The following SLC6A19 variants were observed in gnomAD, a reference collection of about 807,000 sequenced individuals.
SLC6A19 encodes solute carrier family 6 member 19, also known as sodium-dependent neutral amino acid transporter B(0)AT1.
SLC6A19 carries 67 observed loss-of-function variants against 68.3 expected under a neutral mutation model. The ratio of observed to expected loss-of-function variants is 0.98; its 90% CI spans 0.81 to 1.20. The LOEUF is 1.20. Among genes scored for constraint, SLC6A19 ranks in the 50% most tolerant of loss-of-function variants. The pLI, the probability that SLC6A19 is intolerant of heterozygous loss-of-function variation, is 0.00. For missense variants in SLC6A19, 813 were observed against 851.6 expected, an observed-to-expected ratio of 0.95 and a Z score of 0.56; for synonymous variants, 392 against 374.9, an observed-to-expected ratio of 1.05 and a Z score of -0.53.
Position 1,216,830 on chromosome 5 carries a change from G to T in SLC6A19, c.1058G>T (p.Gly353Val). ...ATCAACGGGTTCGACCTGCCTGAAGGCAACGTGACCCAGGAGAACTTTGTG... is the reference window on the plus strand; with the variant it reads ...ATCAACGGGTTCGACCTGCCTGAAGTCAACGTGACCCAGGAGAACTTTGTG... ...TLINGFDLPE[G>V]NVTQENFVDM... The change falls in exon 8 of 12, where the codon GGC becomes GTC. Residue 353 changes from glycine (G) to valine (V), a missense_variant. Coordinates refer to ENST00000304460, the MANE Select transcript of SLC6A19 (RefSeq NM_001003841.3). 1.2e-6 allele frequency: 2 copies of T among 1,613,796 alleles called. No homozygotes were observed. The highest frequency in any genetic ancestry group is 2.2e-5 in the East Asian group (1 of 44,890).
intron 1 of SLC6A19, among the ~76,000 whole-genome samples, chr5:1,207,204 G>A (rs1745880216): frequency 6.6e-6 from 1 of 152,220 alleles, no homozygotes; most frequent in African/African-American, 2.4e-5. Flanking sequence ...TGTCCACGCT[G>A]CCCTGGCCGG....
chr5:1,218,280 G>C (rs1253296101), intron 8 of SLC6A19, among the ~76,000 whole-genome samples: 1 of 152,244 alleles, frequency 6.6e-6, no homozygotes, highest in Non-Finnish European at 1.5e-5. Flanking sequence ...CCCTGAGCCA[G>C]TTCCCTGCAG....
intron 1 of SLC6A19, among the ~76,000 whole-genome samples, chr5:1,207,041 T>C (rs913105372): frequency 6.6e-6 from 1 of 152,204 alleles, no homozygotes; most frequent in Non-Finnish European, 1.5e-5. Context: ...CGGGAGCTGC[T>C]TCCGCGTCCC....
intron 8 of SLC6A19, among the ~76,000 whole-genome samples, chr5:1,217,973 C>T (rs976272930): frequency 4.6e-5 from 7 of 152,146 alleles, no homozygotes; most frequent in East Asian, 1.9e-4. Flanking sequence ...AGTGCCATTC[C>T]GAGAAGCACC....
intron 1 of SLC6A19, 27 bp downstream of exon 1, chr5:1,201,879 C>T (rs183481608): frequency 2.0e-4 from 326 of 1,600,088 alleles, no homozygotes; most frequent in African/African-American, 4.8e-4. Context: ...GGGCTGCGGG[C>T]GAGGCCGTGG....
In SLC6A19 at chr5:1,222,544, T is replaced by C; in HGVS notation, c.*640T>C. On this transcript the variant is annotated 3_prime_UTR_variant, in exon 12 of 12. Coordinates refer to ENST00000304460, the MANE Select transcript of SLC6A19 (RefSeq NM_001003841.3). Reference sequence around the variant, plus strand: ...GAGCATGTGTACGTGTGTGTATACGTGTGTTGTGTATATGTGTGTGTCTGT... The same window carrying C: ...GAGCATGTGTACGTGTGTGTATACGCGTGTTGTGTATATGTGTGTGTCTGT... 1 of 391,164 alleles carries C rather than the reference T, an allele frequency of 2.6e-6. No individual in the cohort carries two copies. The highest frequency in any genetic ancestry group is 3.6e-5 in the East Asian group (1 of 27,744). The allele number at this position is 391,164 out of a possible 1,614,324, so 24.2% of individuals were successfully genotyped here.
rs755318490 is a variant in SLC6A19, at chr5:1,219,617, C to T, written c.1491C>T (p.Ile497=). ...CCGGCTCCATTCCCCTGCTCATCATCGCCTTCTGCGAGATGTTCTCTGTGG... is the reference window on the plus strand; with the variant it reads ...CCGGCTCCATTCCCCTGCTCATCATTGCCTTCTGCGAGATGTTCTCTGTGG... ...SYAGSIPLLI[I]AFCEMFSVVY... is the part of the protein sequence containing the mutation. Residue 497 remains isoleucine, a synonymous_variant, in exon 10 of 12, where the codon ATC becomes ATT. Coordinates refer to ENST00000304460, the MANE Select transcript of SLC6A19 (RefSeq NM_001003841.3). 8 of 1,609,762 alleles carry T rather than the reference C, an allele frequency of 5.0e-6. No individual in the cohort carries two copies. Among genetic ancestry groups the T allele is most frequent in the Admixed American group, 3.3e-5 (2 of 60,010 alleles).
Position 1,211,283 on chromosome 5 carries a change from C to T in SLC6A19, c.481+702C>T, listed in dbSNP as rs538306230. 2.5e-4 allele frequency among the ~76,000 whole-genome samples: 38 copies of T among 152,364 alleles called. 1 individual carries two copies. The South Asian group carries it at 7.5e-3, about 30-fold the overall frequency. On this transcript the variant is annotated intron_variant, in intron 3 of 11. Transcript: ENST00000304460. ...CTGGGACTGTCGGGGCCCTTTCCTG[C>T]CTCCGGGGCTGTGGGGTCCTCTGGA...
chr5:1,220,638 C>T (rs1746350443), intron 10 of SLC6A19, among the ~76,000 whole-genome samples: 5 of 152,122 alleles, frequency 3.3e-5, no homozygotes, highest in Admixed American at 3.3e-4. Flanking sequence ...CCATGGGTAC[C>T]CACCTGGACA....
At position 1,216,889 on chromosome 5, in the gene SLC6A19, G is replaced by T; in HGVS notation, c.1117G>T (p.Ala373Ser). The T allele has an allele frequency of 6.2e-7, 1 of 1,613,630 alleles. No individual in the cohort carries two copies. The highest frequency in any genetic ancestry group is 1.3e-5 in the African/African-American group (1 of 75,068). ...MQQRCNASDP[A>S]AYAQLVFQTC... Reference sequence around the variant, plus strand: ...GCAGCGGTGCAACGCCTCCGACCCCGCGGCCTACGCGCAGCTGGTGTTCCA... The same window carrying T: ...GCAGCGGTGCAACGCCTCCGACCCCTCGGCCTACGCGCAGCTGGTGTTCCA... The change falls in exon 8 of 12, where the codon GCG (alanine) becomes TCG (serine). Residue 373 changes from alanine to serine, a missense_variant. By Grantham distance (99) the Ala-to-Ser change is moderately conservative. Transcript: ENST00000304460.
At chr5:1,202,920 A>C (rs955103181) in intron 1 of SLC6A19, among the ~76,000 whole-genome samples, 1 of 152,126 alleles carries the variant, frequency 6.6e-6, no homozygotes, top group Non-Finnish European at 1.5e-5. Context: ...TCCAGCCTGC[A>C]CTTTCCACTG....
intron 1 of SLC6A19, among the ~76,000 whole-genome samples, chr5:1,208,430 G>A (rs541963053): frequency 2.6e-5 from 4 of 152,306 alleles, no homozygotes; most frequent in South Asian, 2.1e-4. Flanking sequence ...CCCAGGCAGC[G>A]GCTGTGGTTG....
intron 8 of SLC6A19, among the ~76,000 whole-genome samples, chr5:1,218,493 C>A (rs1746266891): frequency 6.6e-6 from 1 of 152,250 alleles, no homozygotes; most frequent in Non-Finnish European, 1.5e-5. Context: ...TGTCTGTGAG[C>A]ACAGCCTGCT....
rs1437787264 is a variant in SLC6A19 at position 1,221,818 on chromosome 5, A to G, written c.1819A>G (p.Arg607Gly). The G allele has an allele frequency of 1.9e-6, 3 of 1,614,100 alleles. No individual in the cohort carries two copies. The highest frequency in any genetic ancestry group is 2.7e-5 in the African/African-American group (2 of 74,924). Residue 607 changes from arginine (R) to glycine (G), a missense_variant, in exon 12 of 12, where the codon AGG (arginine) becomes GGG (glycine). By Grantham distance (125) the Arg-to-Gly change is moderately radical. Coordinates refer to ENST00000304460, the MANE Select transcript of SLC6A19 (RefSeq NM_001003841.3). The part of the protein sequence containing the change: ...IPGYAIYKLI[R>G]NHCQKPGDHQ... The stretch of plus-strand genomic sequence containing the variant: ...TGGCTATGCCATCTACAAGCTCATC[A>G]GGAACCACTGCCAGAAGCCAGGGGA...
chr5:1,222,328 G>A lies in SLC6A19; in HGVS notation c.*424G>A, dbSNP rs1746411527. On this transcript the variant is annotated 3_prime_UTR_variant, in exon 12 of 12. Transcript: ENST00000304460. Reference sequence around the variant, plus strand: ...TATGTTGTGTGTGGTGTGCATATGTGTGAACACACACGTGTATACATGCAT... The same window carrying A: ...TATGTTGTGTGTGGTGTGCATATGTATGAACACACACGTGTATACATGCAT... 1.9e-6 allele frequency: 1 copy of A among 514,072 alleles called. No homozygotes were observed. Among genetic ancestry groups the A allele is most frequent in the Non-Finnish European group, 3.4e-6 (1 of 294,050 alleles). 31.8% of individuals were successfully genotyped at this position (514,072 alleles called of 1,614,324 possible).
chr5:1,203,639 C>T lies in SLC6A19; in HGVS notation c.202+1787C>T, dbSNP rs538664210. ...CTGTCACCTGGGCCCCCATCAGCTG[C>T]GGCATCGCAGATGGCTCCACAGGGT... On this transcript the variant is annotated intron_variant, in intron 1 of 11. Transcript: ENST00000304460. 1.5e-4 allele frequency among the ~76,000 whole-genome samples: 23 copies of T among 152,368 alleles called. No homozygotes were observed. The South Asian group carries it at 4.1e-3, about 27-fold the overall frequency.
intron 1 of SLC6A19, among the ~76,000 whole-genome samples, chr5:1,203,745 C>T (rs1745778108): frequency 1.3e-5 from 2 of 152,246 alleles, no homozygotes; most frequent in African/African-American, 2.4e-5. Context: ...ACATACCAGA[C>T]CACCAGCCTG....
At chr5:1,217,587 G>A (rs1022485118) in intron 8 of SLC6A19, among the ~76,000 whole-genome samples, 8 of 152,148 alleles carry the variant, frequency 5.3e-5, no homozygotes, top group Admixed American at 2.6e-4. Context: ...TGGGCAGAGC[G>A]AGCCATTTCC....
rs938927749 is a variant in SLC6A19, at chr5:1,209,720, CT to C, written c.344-717del. On this transcript the variant is annotated intron_variant, in intron 2 of 11. Transcript: ENST00000304460. The surrounding 1 kb of genome is among the most constrained non-coding windows in gnomAD (Gnocchi z 5.5). ...TCTCTCTCTCCCTCTCAGTCTCTGT[CT>C]TTTTTTCTTTCCCCCTCCTATTCTC... Among the ~76,000 whole-genome samples the C allele has an allele frequency of 2.4e-4, 36 of 150,734 alleles. 1 individual carries two copies. The highest frequency in any genetic ancestry group is 7.6e-4 in the African/African-American group (31 of 40,932).
Sources: gnomAD v4.1 joint callset for allele counts (sites outside exome capture counted in the v4.1 genomes callset) on GRCh38, gnomAD v4.1.1 for gene constraint, Gnocchi (gnomAD v3.1) non-coding constraint, MANE v1.5 for transcripts, NCBI Gene and HGNC (gene_info 2026-07-23, HGNC 2026-07-21) for gene names.